Variants in ZNF804A observed in about 807,000 individuals in gnomAD.
ZNF804A encodes the protein zinc finger protein 804A.
A neutral mutation model predicts 16.5 loss-of-function variants in ZNF804A; 2 were observed. That is an observed-to-expected ratio of 0.12 (90% CI 0.05 to 0.38). ZNF804A has a LOEUF of 0.38. Ranked by LOEUF, ZNF804A falls within the 10% of genes least tolerant of loss-of-function variation. The pLI is 0.99. For missense variants in ZNF804A, 1,473 were observed against 1,390.7 expected (o/e 1.06, Z -0.94); for synonymous variants, 534 against 489.6 (o/e 1.09, Z -1.20).
intron 1 of ZNF804A, among the ~76,000 whole-genome samples, chr2:184,861,040 C>A (rs1695792563): frequency 6.6e-6 from 1 of 152,170 alleles, no homozygotes; most frequent in African/African-American, 2.4e-5. Context: ...AGGCCTGGAG[C>A]CTAGGGCTAT....
At chr2:184,682,613 G>A (rs1184818369) in intron 1 of ZNF804A, among the ~76,000 whole-genome samples, 1 of 152,110 alleles carries the variant, frequency 6.6e-6, no homozygotes, top group Non-Finnish European at 1.5e-5. Flanking sequence ...GTAGTACAGT[G>A]ATTTTACAGA....
chr2:184,662,096 G>C (rs1692183751), intron 1 of ZNF804A, among the ~76,000 whole-genome samples: 1 of 152,064 alleles, frequency 6.6e-6, no homozygotes, highest in South Asian at 2.1e-4. Context: ...TAATGACTAC[G>C]TTTGCTCTTT....
chr2:184,905,223 C>T (rs1376109319), intron 2 of ZNF804A, among the ~76,000 whole-genome samples: 1 of 151,992 alleles, frequency 6.6e-6, no homozygotes, highest in Non-Finnish European at 1.5e-5. Context: ...AGACACTATC[C>T]CTGCTGTCAA....
At position 184,795,655 on chromosome 2, in the gene ZNF804A, T is replaced by C. The variant is rs533064822; in HGVS notation, c.112-70714T>C. Among the ~76,000 whole-genome samples, 14 of 151,930 alleles carry C rather than the reference T, an allele frequency of 9.2e-5. No individual in the cohort carries two copies. The South Asian group carries it at 2.9e-3, about 32-fold the overall frequency. On this transcript the variant is annotated intron_variant, in intron 1 of 3. Coordinates refer to ENST00000302277, the MANE Select transcript of ZNF804A (RefSeq NM_194250.2). The stretch of plus-strand genomic sequence containing the variant: ...AAAGCTGGTTCTTTGAAAAGATAAA[T>C]AAAATTGATAGACCTTTATCAAGTT...
At chr2:184,664,512 A>T (rs1692226203) in intron 1 of ZNF804A, among the ~76,000 whole-genome samples, 1 of 152,188 alleles carries the variant, frequency 6.6e-6, no homozygotes, top group Admixed American at 6.5e-5. Context: ...AGTTTGATAA[A>T]CCTATTCCCA....
intron 2 of ZNF804A, among the ~76,000 whole-genome samples, chr2:184,898,308 T>C (rs1685121130): frequency 6.6e-6 from 1 of 152,104 alleles, no homozygotes; most frequent in African/African-American, 2.4e-5. Context: ...GCTACTGTAA[T>C]AGTGAATATA....
intron 1 of ZNF804A, among the ~76,000 whole-genome samples, chr2:184,687,414 T>G (rs1692654344): frequency 6.6e-6 from 1 of 152,160 alleles, no homozygotes; most frequent in South Asian, 2.1e-4. Flanking sequence ...TTTAAAAGAT[T>G]TATTGGGTCA....
chr2:184,842,557 G>A (rs1357130405), intron 1 of ZNF804A, among the ~76,000 whole-genome samples: 1 of 151,436 alleles, frequency 6.6e-6, no homozygotes, highest in East Asian at 1.9e-4. Context: ...TTAGGAAATA[G>A]TAGAACTAGT....
chr2:184,640,440 A>T (rs1691776461), intron 1 of ZNF804A, among the ~76,000 whole-genome samples: 1 of 152,114 alleles, frequency 6.6e-6, no homozygotes, highest in Non-Finnish European at 1.5e-5. Context: ...AGTACCAATC[A>T]ATACTATATA....
chr2:184,813,577 C>T (rs1450795179), intron 1 of ZNF804A, among the ~76,000 whole-genome samples: 2 of 151,978 alleles, frequency 1.3e-5, no homozygotes, highest in Non-Finnish European at 2.9e-5. Context: ...AAGGGCAAGG[C>T]AGAGATCCTT....
At chr2:184,730,692 TG>T (rs1328736542) in intron 1 of ZNF804A, among the ~76,000 whole-genome samples, 1 of 152,182 alleles carries the variant, frequency 6.6e-6, no homozygotes, top group African/African-American at 2.4e-5. Flanking sequence ...CATATCTTCT[TG>T]TGCCTTGATA....
intron 1 of ZNF804A, among the ~76,000 whole-genome samples, chr2:184,708,507 T>G (rs1436074492): frequency 6.6e-6 from 1 of 152,008 alleles, no homozygotes; most frequent in Non-Finnish European, 1.5e-5. Flanking sequence ...ACCTACAGCC[T>G]TCTGATCTTC....
At chr2:184,679,328 C>T (rs1692495684) in intron 1 of ZNF804A, among the ~76,000 whole-genome samples, 2 of 152,182 alleles carry the variant, frequency 1.3e-5, no homozygotes, top group African/African-American at 4.8e-5. Flanking sequence ...GCAGCGGGGA[C>T]CCATTTGTAG....
At chr2:184,704,102 T>C (rs546676264) in intron 1 of ZNF804A, among the ~76,000 whole-genome samples, 9 of 152,136 alleles carry the variant, frequency 5.9e-5, no homozygotes, top group Admixed American at 6.5e-5. Context: ...TCTATAGTAA[T>C]GATTGGTATT....
Position 184,803,276 on chromosome 2 carries a change from T to C in ZNF804A, c.112-63093T>C, listed in dbSNP as rs189831538. Reference sequence around the variant, plus strand: ...TCCTCATCTCTTTCAAGTCATATTCTAGTCTCTTTAAATGTCATATTCTCA... The same window carrying C: ...TCCTCATCTCTTTCAAGTCATATTCCAGTCTCTTTAAATGTCATATTCTCA... On this transcript the variant is annotated intron_variant, in intron 1 of 3. Coordinates refer to ENST00000302277, the MANE Select transcript of ZNF804A (RefSeq NM_194250.2). 1.5e-4 allele frequency among the ~76,000 whole-genome samples: 23 copies of C among 152,278 alleles called. No homozygotes were observed. In the East Asian group the frequency reaches 4.1e-3, roughly 27 times the overall value.
chr2:184,938,871 A>T lies in ZNF804A; in HGVS notation c.3475A>T (p.Asn1159Tyr). Reference sequence around the variant, plus strand: ...AGTAGGACCGAGGCTTTGTCCTGGGAACCAGCCAACTTTTGTTGCTCCTCC... The same window carrying T: ...AGTAGGACCGAGGCTTTGTCCTGGGTACCAGCCAACTTTTGTTGCTCCTCC... ...GPVGPRLCPG[N>Y]QPTFVAPPQM... The change falls in exon 4 of 4, where the codon AAC becomes TAC. Residue 1159 changes from asparagine (N) to tyrosine (Y), a missense_variant. Coordinates refer to ENST00000302277, the MANE Select transcript of ZNF804A (RefSeq NM_194250.2). The T allele has an allele frequency of 6.2e-7, 1 of 1,613,992 alleles. No individual in the cohort carries two copies. Among genetic ancestry groups the T allele is most frequent in the Non-Finnish European group, 8.5e-7 (1 of 1,179,988 alleles).
At chr2:184,805,193 C>T (rs1274419415) in intron 1 of ZNF804A, among the ~76,000 whole-genome samples, 1 of 152,104 alleles carries the variant, frequency 6.6e-6, no homozygotes, top group Admixed American at 6.6e-5. Flanking sequence ...TTAACAGGGT[C>T]TATCATATTA....
At chr2:184,654,481 AGGTTAT>A (rs1229783147) in intron 1 of ZNF804A, among the ~76,000 whole-genome samples, 1 of 152,006 alleles carries the variant, frequency 6.6e-6, no homozygotes, top group Admixed American at 6.6e-5. Context: ...CTTGCTGCAG[AGGTTAT>A]GGTTAGAATT....
chr2:184,670,828 T>C (rs1692329436), intron 1 of ZNF804A, among the ~76,000 whole-genome samples: 1 of 152,086 alleles, frequency 6.6e-6, no homozygotes, highest in Non-Finnish European at 1.5e-5. Context: ...TTTTAGTATA[T>C]TTGTTATAGA....
Sources: gnomAD v4.1 joint callset for allele counts (sites outside exome capture counted in the v4.1 genomes callset) on GRCh38, gnomAD v4.1.1 for gene constraint, MANE v1.5 for transcripts, NCBI Gene and HGNC (gene_info 2026-07-23, HGNC 2026-07-21) for gene names.